ATG4A: variants seen among roughly 807,000 people sequenced by gnomAD.
The protein encoded by ATG4A is autophagy related 4A cysteine peptidase, also known as cysteine protease ATG4A.
A neutral mutation model predicts 38.4 loss-of-function variants in ATG4A; 22 were observed. The ratio of observed to expected loss-of-function variants is 0.57; its 90% CI spans 0.41 to 0.82. The LOEUF is 0.82. Ranked by LOEUF, ATG4A falls within the 40% of genes least tolerant of loss-of-function variation. The pLI is 0.00. For synonymous variants in ATG4A, 86 were observed against 100.7 expected (o/e 0.85, Z 0.88); for missense variants, 220 against 290.0 (o/e 0.76, Z 1.75).
At chrX:108,139,822 C>T (rs2033190539) in intron 9 of ATG4A, among the ~76,000 whole-genome samples, 1 of 111,908 alleles carries the variant, frequency 8.9e-6, no homozygotes, top group African/African-American at 3.2e-5. Context: ...CAGGCACTGG[C>T]AGATTTGGTG....
At chrX:108,124,579 G>A (rs922322394) in intron 1 of ATG4A, among the ~76,000 whole-genome samples, 1 of 110,418 alleles carries the variant, frequency 9.1e-6, no homozygotes, top group African/African-American at 3.3e-5. Flanking sequence ...AGCCTCCCGA[G>A]TAGCTGGGAC....
At chrX:108,127,798 A>G (rs2099114180) in intron 2 of ATG4A, among the ~76,000 whole-genome samples, 1 of 112,235 alleles carries the variant, frequency 8.9e-6, no homozygotes, top group South Asian at 3.8e-4. Flanking sequence ...TAATACAGAC[A>G]TGTTGAGAAG....
chrX:108,137,788 GTTC>G lies in ATG4A; in HGVS notation c.548-12_548-10del. The G allele has an allele frequency of 5.2e-6, 6 of 1,146,453 alleles. No homozygotes were observed. The highest frequency in any genetic ancestry group is 6.9e-6 in the Non-Finnish European group (6 of 864,720). 94.5% of individuals were successfully genotyped at this position (1,146,453 alleles called of 1,213,427 possible). A position where few individuals can be genotyped will look rare whatever the true frequency, so the allele number is the denominator to read the frequency against. Reference sequence around the variant, plus strand: ...AGACTCCTTACTTATCCAATATTCTGTTCTTCCATTTCTAGAAAAAATGTGCCG... The same window carrying G: ...AGACTCCTTACTTATCCAATATTCTGTTCCATTTCTAGAAAAAATGTGCCG... On this transcript the variant is annotated splice_polypyrimidine_tract_variant and intron_variant, in intron 7 of 12. Coordinates refer to ENST00000372232, the MANE Select transcript of ATG4A (RefSeq NM_052936.5).
chrX:108,095,185 C>T (rs2147951297), intron 1 of ATG4A, among the ~76,000 whole-genome samples: 1 of 111,923 alleles, frequency 8.9e-6, no homozygotes, highest in Admixed American at 9.4e-5. Context: ...GGTGATCCTC[C>T]CAAAGTGCTG....
At chrX:108,138,309 C>T (rs935001938) in intron 9 of ATG4A, 118 bp downstream of exon 9, 6 of 630,899 alleles carry the variant, frequency 9.5e-6, no homozygotes, top group African/African-American at 4.3e-5. Flanking sequence ...CCAGGAATGC[C>T]GTGGCCTCTG....
chrX:108,094,714 G>A (rs1424999937), intron 1 of ATG4A, among the ~76,000 whole-genome samples: 3 of 112,111 alleles, frequency 2.7e-5, no homozygotes, highest in Non-Finnish European at 5.6e-5. Context: ...TCATTGCGTG[G>A]AATAGAATTC....
rs375391291 is a variant in ATG4A at position 108,094,055 on chromosome X, G to T, written c.10+2219G>T. On this transcript the variant is annotated intron_variant, in intron 1 of 12. Coordinates refer to ENST00000372232, the MANE Select transcript of ATG4A (RefSeq NM_052936.5). ...TGATGGTGTCTTTTGAAGTGAAAACGTTTTGAATTTGGGTGAGGTTCAATT... is the reference window on the plus strand; with the variant it reads ...TGATGGTGTCTTTTGAAGTGAAAACTTTTTGAATTTGGGTGAGGTTCAATT... 8.8e-4 allele frequency among the ~76,000 whole-genome samples: 98 copies of T among 111,091 alleles called. 1 individual carries two copies. In the South Asian group the frequency reaches 0.035, roughly 39 times the overall value.
intron 9 of ATG4A, among the ~76,000 whole-genome samples, chrX:108,142,919 C>G (rs778439713): frequency 4.5e-5 from 5 of 111,737 alleles, no homozygotes; most frequent in African/African-American, 1.6e-4. Flanking sequence ...CAAGTCCACC[C>G]CTTGTCAACT....
At chrX:108,146,158 T>G (rs1442367307) in intron 9 of ATG4A, among the ~76,000 whole-genome samples, 1 of 111,684 alleles carries the variant, frequency 9.0e-6, no homozygotes, top group African/African-American at 3.3e-5. Flanking sequence ...GGACCCGGCC[T>G]CCCCTTCATT....
At chrX:108,113,390 C>T (rs1276262646) in intron 1 of ATG4A, among the ~76,000 whole-genome samples, 2 of 111,251 alleles carry the variant, frequency 1.8e-5, no homozygotes, top group African/African-American at 6.6e-5. Flanking sequence ...CATTGGGGGG[C>T]ACTGGCAAGG....
At chrX:108,095,631 G>A (rs1341737689) in intron 1 of ATG4A, among the ~76,000 whole-genome samples, 1 of 111,149 alleles carries the variant, frequency 9.0e-6, no homozygotes, top group Non-Finnish European at 1.9e-5. Flanking sequence ...TACAAGAGTG[G>A]CCGTACCATT....
intron 9 of ATG4A, among the ~76,000 whole-genome samples, chrX:108,142,041 T>A (rs921621926): frequency 1.8e-4 from 20 of 111,202 alleles, no homozygotes; most frequent in African/African-American, 6.6e-4. Context: ...TGAAGCAACA[T>A]GGATGGAGCT....
intron 9 of ATG4A, among the ~76,000 whole-genome samples, chrX:108,148,119 A>G (rs1209975420): frequency 2.3e-5 from 2 of 88,775 alleles, no homozygotes; most frequent in Admixed American, 1.4e-4. Context: ...AGGTCCCACA[A>G]TAGGCCATTT....
chrX:108,140,580 T>C (rs1320120314), intron 9 of ATG4A, among the ~76,000 whole-genome samples: 1 of 104,494 alleles, frequency 9.6e-6, no homozygotes, highest in Non-Finnish European at 1.9e-5. Flanking sequence ...TTTATACATA[T>C]ATATACATAT....
chrX:108,108,424 G>C (rs1279108373), intron 1 of ATG4A, among the ~76,000 whole-genome samples: 1 of 109,550 alleles, frequency 9.1e-6, no homozygotes, highest in Non-Finnish European at 1.9e-5. Flanking sequence ...ATAAATAGGG[G>C]AAAGTGCATC....
At chrX:108,094,654 C>T (rs2031747033) in intron 1 of ATG4A, among the ~76,000 whole-genome samples, 1 of 112,106 alleles carries the variant, frequency 8.9e-6, no homozygotes, top group Non-Finnish European at 1.9e-5. Context: ...AGGTCAAGTA[C>T]CACATTCTTA....
rs151168295 is a variant in ATG4A at position 108,131,032 on chromosome X, C to A, written c.194-228C>A. Among the ~76,000 whole-genome samples, 622 of 112,033 alleles carry A rather than the reference C, an allele frequency of 5.6e-3. 6 individuals are homozygous for A. Among genetic ancestry groups the A allele is most frequent in the African/African-American group, 0.019 (585 of 30,834 alleles). On this transcript the variant is annotated intron_variant, in intron 3 of 12. Coordinates refer to ENST00000372232, the MANE Select transcript of ATG4A (RefSeq NM_052936.5). ...GAAAACATAAGGGACACATTTAGTT[C>A]ATTTGCTTGTTTTATGTTTGGCCAT... is the stretch of plus-strand genomic sequence containing the variant.
At chrX:108,091,259 C>T (rs765513702), upstream of ATG4A, 10 of 506,850 alleles carry the variant, frequency 2.0e-5, no homozygotes, top group South Asian at 3.0e-4. Flanking sequence ...TATCGCGAGT[C>T]CCGAGGTGAC....
intron 3 of ATG4A, among the ~76,000 whole-genome samples, chrX:108,129,166 T>C (rs1421044079): frequency 1.8e-5 from 2 of 112,721 alleles, no homozygotes; most frequent in Non-Finnish European, 3.7e-5. Flanking sequence ...ATTTGTATAA[T>C]ATCTGTTAAA....
Sources: gnomAD v4.1 joint callset for allele counts (sites outside exome capture counted in the v4.1 genomes callset) on GRCh38, gnomAD v4.1.1 for gene constraint, MANE v1.5 for transcripts, NCBI Gene and HGNC (gene_info 2026-07-23, HGNC 2026-07-21) for gene names.